The following OCA2 variants were observed in gnomAD, a reference collection of about 807,000 sequenced individuals.
OCA2 encodes P protein.
In OCA2, 77 loss-of-function variants were observed where a neutral mutation model predicts 100.2. The ratio of observed to expected loss-of-function variants is 0.77; its 90% CI spans 0.64 to 0.93. OCA2 has a LOEUF of 0.93. Among genes scored for constraint, OCA2 ranks in the 40% least tolerant of loss-of-function variants. The pLI, the probability that OCA2 is intolerant of heterozygous loss-of-function variation, is 0.00. For synonymous variants in OCA2, 432 were observed against 439.2 expected (o/e 0.98, Z 0.21); for missense variants, 1,062 against 1,089.1 (o/e 0.98, Z 0.35).
chr15:27,822,654 C>T (rs1014609795), intron 23 of OCA2, among the ~76,000 whole-genome samples: 2 of 152,146 alleles, frequency 1.3e-5, no homozygotes, highest in Admixed American at 6.5e-5. Flanking sequence ...GGAAGTTCCG[C>T]ATCTTTTCAT....
chr15:27,810,907 T>C (rs2034050075), intron 23 of OCA2, among the ~76,000 whole-genome samples: 1 of 152,176 alleles, frequency 6.6e-6, no homozygotes, highest in Non-Finnish European at 1.5e-5. Flanking sequence ...AAAGGAATGC[T>C]TTTACCCTGT....
intron 2 of OCA2, 81 bp downstream of exon 2, chr15:28,081,567 A>G: frequency 7.1e-7 from 1 of 1,403,292 alleles, no homozygotes; most frequent in Non-Finnish European, 9.9e-7. Flanking sequence ...TTTTCCCACA[A>G]CAAACGTGGG....
At chr15:28,033,941 G>A (rs576439955) in intron 2 of OCA2, among the ~76,000 whole-genome samples, 3 of 152,140 alleles carry the variant, frequency 2.0e-5, no homozygotes, top group South Asian at 2.1e-4. Flanking sequence ...TTACGGAGAC[G>A]GTGACCTCCC....
chr15:28,042,933 G>A (rs527296143), intron 2 of OCA2, among the ~76,000 whole-genome samples: 3 of 152,226 alleles, frequency 2.0e-5, no homozygotes, highest in South Asian at 4.1e-4. Context: ...ATATGTTAGG[G>A]TTGATGGTAA....
intron 23 of OCA2, among the ~76,000 whole-genome samples, chr15:27,811,435 T>G (rs1473336007): frequency 1.3e-5 from 2 of 152,124 alleles, no homozygotes; most frequent in East Asian, 1.9e-4. Context: ...AGGTGTCAGG[T>G]GCACTGAAAT....
intron 23 of OCA2, among the ~76,000 whole-genome samples, chr15:27,843,938 C>T (rs1275233527): frequency 6.6e-6 from 1 of 152,126 alleles, no homozygotes; most frequent in Non-Finnish European, 1.5e-5. Flanking sequence ...AATCTTTACC[C>T]GAGGCTGGTT....
chr15:28,096,717 T>G (rs114037348), intron 1 of OCA2, among the ~76,000 whole-genome samples: 5,420 of 152,264 alleles, frequency 0.036, 311 homozygotes, highest in African/African-American at 0.12. Context: ...ATCGTGGCTT[T>G]CCATCCGTTT....
intron 16 of OCA2, among the ~76,000 whole-genome samples, chr15:27,956,677 C>T (rs1046072072): frequency 1.3e-5 from 2 of 152,226 alleles, no homozygotes; most frequent in Admixed American, 1.3e-4. Flanking sequence ...CTCAGGGCCT[C>T]CCTGTGGCCT....
At position 27,760,332 on chromosome 15, in the gene OCA2, T is replaced by C. The variant is rs569134028; in HGVS notation, c.2433-4860A>G. ...TGTCACTTGTTGAGAAGGAAACGTA[T>C]AGCACTAAATGTTTGTATTAGAAAA... is the stretch of plus-strand genomic sequence containing the variant. On this transcript the variant is annotated intron_variant, in intron 23 of 23. Transcript: ENST00000354638. Among the ~76,000 whole-genome samples, 110 of 151,920 alleles carry C rather than the reference T, an allele frequency of 7.2e-4. 1 individual carries two copies. The highest frequency in any genetic ancestry group is 1.4e-3 in the Non-Finnish European group (92 of 67,864).
chr15:27,877,256 A>G (rs1201429861), intron 19 of OCA2, among the ~76,000 whole-genome samples: 2 of 151,886 alleles, frequency 1.3e-5, no homozygotes, highest in Admixed American at 1.3e-4. Context: ...TAATATTATA[A>G]TCTTGGTGAA....
intron 21 of OCA2, 56 bp downstream of exon 21, chr15:27,871,098 C>T: frequency 1.5e-6 from 2 of 1,298,226 alleles, no homozygotes; most frequent in Admixed American, 1.7e-5. Context: ...GGAGGGTGAG[C>T]CCCAGGCTAT....
At chr15:27,782,008 A>G (rs2032568679) in intron 23 of OCA2, among the ~76,000 whole-genome samples, 1 of 152,226 alleles carries the variant, frequency 6.6e-6, no homozygotes, top group Non-Finnish European at 1.5e-5. Context: ...AACACACAAA[A>G]GCATTTGTTC....
At chr15:27,759,302 G>T (rs911338938) in intron 23 of OCA2, among the ~76,000 whole-genome samples, 1 of 152,016 alleles carries the variant, frequency 6.6e-6, no homozygotes, top group South Asian at 2.1e-4. Context: ...TGCTAAGAAG[G>T]TCTTCAAACA....
intron 19 of OCA2, among the ~76,000 whole-genome samples, chr15:27,913,427 A>G (rs779622691): frequency 3.3e-5 from 5 of 152,166 alleles, no homozygotes; most frequent in Non-Finnish European, 7.4e-5. Context: ...CATCATCTTA[A>G]AAGTGTTATC....
intron 2 of OCA2, among the ~76,000 whole-genome samples, chr15:28,051,971 C>A (rs1439169857): frequency 6.6e-6 from 1 of 152,170 alleles, no homozygotes; most frequent in Non-Finnish European, 1.5e-5. Flanking sequence ...TCTAACCCCC[C>A]TCTGCTTCAC....
At chr15:27,990,197 T>C (rs2041505719) in intron 10 of OCA2, among the ~76,000 whole-genome samples, 1 of 152,072 alleles carries the variant, frequency 6.6e-6, no homozygotes, top group Non-Finnish European at 1.5e-5. Flanking sequence ...GGCCTCCTGA[T>C]CTCTTCAGGA....
At chr15:27,941,958 T>C (rs117877063) in intron 18 of OCA2, among the ~76,000 whole-genome samples, 201 of 152,270 alleles carry the variant, frequency 1.3e-3, no homozygotes, top group Non-Finnish European at 2.5e-3. Flanking sequence ...TGTAATGAAG[T>C]ACCACTTCAC....
At chr15:27,870,795 A>AGAAC (rs2036528488) in intron 21 of OCA2, among the ~76,000 whole-genome samples, 1 of 33,492 alleles carries the variant, frequency 3.0e-5, no homozygotes, top group African/African-American at 1.5e-4. Context: ...AGAAAAAGAA[A>AGAAC]GAAAGAAAGA....
intron 1 of OCA2, among the ~76,000 whole-genome samples, chr15:28,097,514 G>A (rs1314710444): frequency 2.6e-5 from 4 of 152,120 alleles, no homozygotes; most frequent in Non-Finnish European, 5.9e-5. Context: ...CCTCCCCTCT[G>A]TGGTAGCCTT....
Sources: allele counts gnomAD v4.1 joint callset (sites outside exome capture counted in the v4.1 genomes callset), GRCh38; gene constraint gnomAD v4.1.1; transcripts MANE v1.5; gene names NCBI Gene and HGNC (gene_info 2026-07-23, HGNC 2026-07-21).